CSMD1: variants seen among roughly 807,000 people sequenced by gnomAD.
The protein encoded by CSMD1 is CUB and Sushi multiple domains 1, also known as CUB and sushi domain-containing protein 1.
Under a neutral mutation model 417.5 loss-of-function variants are expected in CSMD1, and 213 were observed. That is an observed-to-expected ratio of 0.51 (90% CI 0.46 to 0.57). The LOEUF (loss-of-function observed/expected upper bound fraction) is 0.57. Among genes scored for constraint, CSMD1 ranks in the 20% least tolerant of loss-of-function variants. The pLI, the probability that CSMD1 is intolerant of heterozygous loss-of-function variation, is 0.00. For synonymous variants in CSMD1, 2,862 were observed against 1,736.8 expected (o/e 1.65, Z -16.11); for missense variants, 6,923 against 4,529.7 (o/e 1.53, Z -15.17).
chr8:4,597,338 G>C (rs904631942), intron 2 of CSMD1, among the ~76,000 whole-genome samples: 2 of 152,134 alleles, frequency 1.3e-5, no homozygotes, highest in East Asian at 3.9e-4. Context: ...ATAAGCAGGA[G>C]AGATGGCACT....
At chr8:4,311,087 G>A (rs559310783) in intron 3 of CSMD1, among the ~76,000 whole-genome samples, 6 of 152,254 alleles carry the variant, frequency 3.9e-5, no homozygotes, top group African/African-American at 1.4e-4. Context: ...GGAAAGCAAT[G>A]TGGCATATCT....
At chr8:4,570,275 T>G (rs1171539774) in intron 2 of CSMD1, among the ~76,000 whole-genome samples, 1 of 152,200 alleles carries the variant, frequency 6.6e-6, no homozygotes, top group Non-Finnish European at 1.5e-5. Context: ...GGCTGTGGGT[T>G]TGTCATACAC....
intron 5 of CSMD1, among the ~76,000 whole-genome samples, chr8:3,872,390 C>T (rs1805535351): frequency 6.6e-6 from 1 of 152,158 alleles, no homozygotes; most frequent in Non-Finnish European, 1.5e-5. Context: ...CAGTGACTCT[C>T]AACTGTTCAT....
rs1051897195 is a variant in CSMD1, at chr8:4,306,588, C to T, written c.415+113365G>A. Among the ~76,000 whole-genome samples the T allele has an allele frequency of 5.3e-5, 8 of 152,160 alleles. No homozygotes were observed. In the South Asian group the frequency reaches 1.7e-3, roughly 32 times the overall value. On this transcript the variant is annotated intron_variant, in intron 3 of 69. Transcript: ENST00000635120. ...AGCTCCCTGCCCATGGTGTATTAAG[C>T]ATCCTGATGCTTTCCTTCTTGGCCT...
chr8:3,209,055 G>C (rs764331735), intron 30 of CSMD1, among the ~76,000 whole-genome samples: 10 of 152,134 alleles, frequency 6.6e-5, no homozygotes, highest in South Asian at 2.1e-4. Flanking sequence ...TGCAAGCATA[G>C]AATAAAAGAG....
chr8:3,249,482 C>A (rs1013739576), intron 26 of CSMD1, among the ~76,000 whole-genome samples: 2 of 152,134 alleles, frequency 1.3e-5, no homozygotes, highest in Admixed American at 6.6e-5. Flanking sequence ...CCTTGGCCTC[C>A]CAAAATGCTG....
rs982185698 is a variant in CSMD1, at chr8:4,776,483, T to C, written c.86-138925A>G. The stretch of plus-strand genomic sequence containing the variant: ...CGGGCTCAGAGAACAAGAAGCAGAG[T>C]TGTGGTTAGGAACCAACAGCGTCTC... On this transcript the variant is annotated intron_variant, in intron 1 of 69. Transcript: ENST00000635120. Among the ~76,000 whole-genome samples, 7 of 152,140 alleles carry C rather than the reference T, an allele frequency of 4.6e-5. No individual in the cohort carries two copies. In the South Asian group the frequency reaches 6.2e-4, roughly 14 times the overall value.
chr8:3,926,986 T>C lies in CSMD1; in HGVS notation c.818+70917A>G, dbSNP rs561117300. Among the ~76,000 whole-genome samples the C allele has an allele frequency of 3.3e-5, 5 of 152,114 alleles. No individual in the cohort carries two copies. In the South Asian group the frequency reaches 1.0e-3, roughly 32 times the overall value. On this transcript the variant is annotated intron_variant, in intron 5 of 69. Transcript: ENST00000635120. ...ACCTCGGCCTCCCAAAGTGCTAGGA[T>C]TACAGGCGTGAGCCACCGTGCCCGG...
chr8:3,747,962 C>G (rs1282962520), intron 6 of CSMD1, among the ~76,000 whole-genome samples: 2 of 152,100 alleles, frequency 1.3e-5, no homozygotes, highest in Non-Finnish European at 2.9e-5. Flanking sequence ...TTCCGTTTGT[C>G]TAGAAGTCCA....
At chr8:4,827,478 C>T (rs1799901767) in intron 1 of CSMD1, among the ~76,000 whole-genome samples, 1 of 152,134 alleles carries the variant, frequency 6.6e-6, no homozygotes, top group Non-Finnish European at 1.5e-5. Context: ...AAACAAAGTG[C>T]ACTTAAGATG....
intron 1 of CSMD1, among the ~76,000 whole-genome samples, chr8:4,725,257 T>C (rs1208493103): frequency 2.0e-5 from 3 of 152,212 alleles, no homozygotes; most frequent in African/African-American, 4.8e-5. Flanking sequence ...AGTATCGAAC[T>C]TCATTGGTAC....
In CSMD1 at chr8:3,673,286, G is replaced by T; in HGVS notation, c.1009+35128C>A. On this transcript the variant is annotated intron_variant, in intron 7 of 69. Transcript: ENST00000635120. ...TCTTTGTCCTCTTTTTCTCAAATCC[G>T]TATCCTCTACAAGCCTGCTTAACAG... Among the ~76,000 whole-genome samples the T allele has an allele frequency of 2.0e-5, 3 of 152,170 alleles. No individual in the cohort carries two copies. In the Middle Eastern group the frequency reaches 0.01, roughly 518 times the overall value.
intron 49 of CSMD1, among the ~76,000 whole-genome samples, chr8:3,054,679 A>G (rs961148767): frequency 6.6e-6 from 1 of 152,124 alleles, no homozygotes; most frequent in Non-Finnish European, 1.5e-5. Context: ...ATGTGTGTAC[A>G]TGTGTCCATG....
chr8:4,131,415 A>G (rs903645552), intron 3 of CSMD1, among the ~76,000 whole-genome samples: 1 of 151,978 alleles, frequency 6.6e-6, no homozygotes, highest in Non-Finnish European at 1.5e-5. Context: ...TATTTGTACC[A>G]CCTCTCTCTC....
At chr8:3,450,754 G>A (rs1167253713) in intron 12 of CSMD1, among the ~76,000 whole-genome samples, 4 of 151,966 alleles carry the variant, frequency 2.6e-5, no homozygotes, top group Non-Finnish European at 5.9e-5. Context: ...TTGCTATTGT[G>A]AATAGTGCCA....
At chr8:3,700,279 A>G (rs1014108973) in intron 7 of CSMD1, among the ~76,000 whole-genome samples, 1 of 152,232 alleles carries the variant, frequency 6.6e-6, no homozygotes, top group African/African-American at 2.4e-5. Flanking sequence ...ATAATTTTTT[A>G]CAAAAGAAAA....
intron 3 of CSMD1, among the ~76,000 whole-genome samples, chr8:4,114,285 T>C (rs907122832): frequency 4.6e-5 from 7 of 152,220 alleles, no homozygotes; most frequent in African/African-American, 1.7e-4. Flanking sequence ...GCACTCTGCC[T>C]GTGCTGTCTA....
chr8:2,954,376 G>A (rs1019116697), intron 64 of CSMD1, 108 bp from the exon 65 acceptor site: 13 of 629,086 alleles, frequency 2.1e-5, no homozygotes, highest in Non-Finnish European at 3.5e-5. Flanking sequence ...TTTTTTTAAT[G>A]TACAAAATAT....
intron 18 of CSMD1, among the ~76,000 whole-genome samples, chr8:3,378,420 C>T (rs1001390489): frequency 2.6e-5 from 4 of 152,122 alleles, no homozygotes; most frequent in African/African-American, 9.7e-5. Flanking sequence ...CATCCTGATA[C>T]CAAAACCTGG....
Sources: gnomAD v4.1 joint callset for allele counts (sites outside exome capture counted in the v4.1 genomes callset) on GRCh38, gnomAD v4.1.1 for gene constraint, MANE v1.5 for transcripts, NCBI Gene and HGNC (gene_info 2026-07-23, HGNC 2026-07-21) for gene names.